C6orf132: variants seen among roughly 807,000 people sequenced by gnomAD.
C6orf132 encodes chromosome 6 open reading frame 132.
A neutral mutation model predicts 65.3 loss-of-function variants in C6orf132; 43 were observed. That is an observed-to-expected ratio of 0.66 (90% CI 0.52 to 0.85). The LOEUF (loss-of-function observed/expected upper bound fraction) is 0.85, where lower values mean the gene tolerates loss of function less well. Ranked by LOEUF, C6orf132 falls within the 40% of genes least tolerant of loss-of-function variation. C6orf132 has a pLI of 0.00. For synonymous variants in C6orf132, 631 were observed against 654.1 expected, an observed-to-expected ratio of 0.96 and a Z score of 0.54; for missense variants, 1,488 against 1,548.8, an observed-to-expected ratio of 0.96 and a Z score of 0.66.
intron 1 of C6orf132, among the ~76,000 whole-genome samples, chr6:42,137,581 A>G (rs1436416057): frequency 2.0e-5 from 3 of 152,102 alleles, no homozygotes; most frequent in Non-Finnish European, 4.4e-5. Flanking sequence ...GGTCCTCCTG[A>G]TAAGGAGCTG....
intron 2 of C6orf132, among the ~76,000 whole-genome samples, chr6:42,111,278 AT>A (rs61241413): frequency 0.1 from 12,295 of 119,812 alleles, 490 homozygotes; most frequent in Middle Eastern, 0.18. Flanking sequence ...TTCCTGGCTA[AT>A]TTTTTTTTTT....
chr6:42,139,444 T>C (rs566594022), intron 1 of C6orf132, among the ~76,000 whole-genome samples: 3 of 152,296 alleles, frequency 2.0e-5, no homozygotes, highest in Admixed American at 6.5e-5. Context: ...AGATAGTAAA[T>C]ATGTTAGCCT....
chr6:42,138,850 A>AACACCACACACAC (rs1554183405), intron 1 of C6orf132, among the ~76,000 whole-genome samples: 1 of 142,748 alleles, frequency 7.0e-6, no homozygotes, highest in Non-Finnish European at 1.5e-5. Flanking sequence ...CATGCATTTA[A>AACACCACACACAC]ACACACACAC....
intron 2 of C6orf132, among the ~76,000 whole-genome samples, chr6:42,122,260 C>CTT (rs1766700702): frequency 6.6e-6 from 1 of 152,010 alleles, no homozygotes; most frequent in Admixed American, 6.6e-5. Context: ...CAGGTCTGCT[C>CTT]TCTCTCTGGG....
chr6:42,133,000 C>A (rs1031324475), intron 1 of C6orf132, among the ~76,000 whole-genome samples: 50 of 152,324 alleles, frequency 3.3e-4, no homozygotes, highest in African/African-American at 1.2e-3. Flanking sequence ...CTATCTCCAT[C>A]AGCTAGATCC....
At position 42,138,645 on chromosome 6, in the gene C6orf132, G is replaced by A. The variant is rs192869613; in HGVS notation, c.145+3655C>T. ...TGTGAGCTGTCCCATTTAGAGGAAC[G>A]GGGTAGGAAAGAGAGTCCTCTAGCA... On this transcript the variant is annotated intron_variant, in intron 1 of 4. Coordinates refer to ENST00000341865, the MANE Select transcript of C6orf132 (RefSeq NM_001164446.3). Among the ~76,000 whole-genome samples the A allele has an allele frequency of 7.2e-5, 11 of 152,262 alleles. No homozygotes were observed. The East Asian group carries it at 1.4e-3, about 19-fold the overall frequency.
In C6orf132 at chr6:42,114,780, G is replaced by A. The variant is rs552798568; in HGVS notation, c.253-4489C>T. 8.4e-3 allele frequency among the ~76,000 whole-genome samples: 1,280 copies of A among 151,848 alleles called. 7 individuals carry two copies. The highest frequency in any genetic ancestry group is 0.024 in the Middle Eastern group (7 of 290). ...AGCACTTTGGGAGGCTGAGACAGGC[G>A]GATCACTGGAGGTCAGGAGTTTGAG... is the stretch of plus-strand genomic sequence containing the variant. On this transcript the variant is annotated intron_variant, in intron 2 of 4. Transcript: ENST00000341865.
Position 42,106,171 on chromosome 6 carries a change from CCTT to C in C6orf132, c.1738_1740del (p.Lys580del), listed in dbSNP as rs1766401342. 1.3e-6 allele frequency: 2 copies of C among 1,537,256 alleles called. No individual in the cohort carries two copies. The highest frequency in any genetic ancestry group is 1.7e-6 in the Non-Finnish European group (2 of 1,146,912). On this transcript the variant is annotated inframe_deletion, in exon 4 of 5. Coordinates refer to ENST00000341865, the MANE Select transcript of C6orf132 (RefSeq NM_001164446.3). Reference sequence around the variant, plus strand: ...AGAGATCCTATGCTGGGCTTAGCCTCCTTCTCTGCTGCTGAGGAGAGCCGGGCC... The same window carrying C: ...AGAGATCCTATGCTGGGCTTAGCCTCCTCTGCTGCTGAGGAGAGCCGGGCC...
chr6:42,104,381 TG>T lies in C6orf132; in HGVS notation c.3449+81del. On this transcript the variant is annotated intron_variant, in intron 4 of 4. Coordinates refer to ENST00000341865, the MANE Select transcript of C6orf132 (RefSeq NM_001164446.3). The surrounding 1 kb of genome is among the most constrained non-coding windows in gnomAD (Gnocchi z 4.1). ...AGGGAGAAAACCAAATGTTTTCTCT[TG>T]ACGGATGGCCGGGACTCCTTGGCCC... The T allele has an allele frequency of 8.2e-7, 1 of 1,225,506 alleles. No individual in the cohort carries two copies. The highest frequency in any genetic ancestry group is 1.0e-6 in the Non-Finnish European group (1 of 984,326). The allele number at this position is 1,225,506 out of a possible 1,614,324, so 75.9% of individuals were successfully genotyped here. A position where few individuals can be genotyped will look rare whatever the true frequency, so the allele number is the denominator to read the frequency against.
At chr6:42,133,644 A>T (rs1023946454) in intron 1 of C6orf132, among the ~76,000 whole-genome samples, 1 of 152,178 alleles carries the variant, frequency 6.6e-6, no homozygotes, top group Non-Finnish European at 1.5e-5. Context: ...ACAAACTCAC[A>T]TGCAAATAAT....
At chr6:42,132,299 A>G (rs1402951859) in intron 1 of C6orf132, among the ~76,000 whole-genome samples, 2 of 151,620 alleles carry the variant, frequency 1.3e-5, no homozygotes, top group African/African-American at 4.8e-5. Context: ...GCGGATCACA[A>G]GGTCAGGAGA....
At chr6:42,107,688 A>ATCCAGTCATT in intron 3 of C6orf132, 105 bp from the exon 4 acceptor site, 1 of 1,356,976 alleles carries the variant, frequency 7.4e-7, no homozygotes, top group Non-Finnish European at 1.0e-6. Context: ...CAAGAGAATG[A>ATCCAGTCATT]CTGGATCATT....
In C6orf132 at chr6:42,105,354, C is replaced by G. The variant is rs1349108143; in HGVS notation, c.2558G>C (p.Arg853Thr). Residue 853 changes from arginine to threonine, a missense_variant, in exon 4 of 5, where the codon AGG (arginine) becomes ACG (threonine). Coordinates refer to ENST00000341865, the MANE Select transcript of C6orf132 (RefSeq NM_001164446.3). Reference protein sequence around the residue: ...LAARQRAQKGRSVGAALGRSS... With the variant: ...LAARQRAQKGTSVGAALGRSS... Reference sequence around the variant, plus strand: ...CCGACCCAGGGCAGCCCCTACAGACCTTCCCTTCTGAGCCCTCTGCCTGGC... The same window carrying G: ...CCGACCCAGGGCAGCCCCTACAGACGTTCCCTTCTGAGCCCTCTGCCTGGC... 6.5e-7 allele frequency: 1 copy of G among 1,536,768 alleles called. No homozygotes were observed. Among genetic ancestry groups the G allele is most frequent in the Non-Finnish European group, 8.7e-7 (1 of 1,146,884 alleles).
rs1562038795 is a variant in C6orf132, at chr6:42,123,592, G to GAAGAAAGAAGAAGAAGA, written c.252+5079_252+5080insTCTTCTTCTTCTTTCTT. On this transcript the variant is annotated intron_variant, in intron 2 of 4. Transcript: ENST00000341865. ...AAGAAGAAGAAAGAAGAAAGAAGAA[G>GAAGAAAGAAGAAGAAGA]AAGAAAGAAGGAAGAAGAAGAAGAA... is the stretch of plus-strand genomic sequence containing the variant. Among the ~76,000 whole-genome samples the GAAGAAAGAAGAAGAAGA allele has an allele frequency of 4.2e-3, 635 of 151,462 alleles. 4 individuals carry two copies. The highest frequency in any genetic ancestry group is 0.015 in the African/African-American group (610 of 40,998).
Position 42,107,464 on chromosome 6 carries a change from G to C in C6orf132, c.448C>G (p.Pro150Ala), listed in dbSNP as rs1312092962. 1.3e-6 allele frequency: 2 copies of C among 1,538,488 alleles called. No homozygotes were observed. The highest frequency in any genetic ancestry group is 4.0e-5 in the Admixed American group (2 of 50,430). ...GGAGGTTCTGAAATGTCCTGAGGGGGCCCTGGGGCTGGGCCTGGGGGAGGT... is the reference window on the plus strand; with the variant it reads ...GGAGGTTCTGAAATGTCCTGAGGGGCCCCTGGGGCTGGGCCTGGGGGAGGT... ...PPPPPGPAPG[P>A]PQDISEPPGG... Residue 150 changes from proline (P) to alanine (A), a missense_variant, in exon 4 of 5, where the codon CCC becomes GCC. Pro to Ala is a conservative substitution (Grantham distance 27). Coordinates refer to ENST00000341865, the MANE Select transcript of C6orf132 (RefSeq NM_001164446.3).
chr6:42,108,970 A>G (rs1311940681), intron 3 of C6orf132, among the ~76,000 whole-genome samples: 1 of 152,232 alleles, frequency 6.6e-6, no homozygotes, highest in Non-Finnish European at 1.5e-5. Flanking sequence ...GCTGGGGTAC[A>G]GCAGCAAAAA....
At position 42,102,970 on chromosome 6, in the gene C6orf132, A is replaced by G. The variant is rs992852290; in HGVS notation, c.*791T>C. On this transcript the variant is annotated 3_prime_UTR_variant, in exon 5 of 5. Transcript: ENST00000341865. ...GCCCAGTCCCCAAAATCAGGGCTGC[A>G]CAGGTCTGAATAGCAAAGCCAGGCT... 1 of 398,048 alleles carries G rather than the reference A, an allele frequency of 2.5e-6. No individual in the cohort carries two copies. Among genetic ancestry groups the G allele is most frequent in the African/African-American group, 2.1e-5 (1 of 48,758 alleles). The allele number at this position is 398,048 out of a possible 1,614,324, so 24.7% of individuals were successfully genotyped here.
intron 2 of C6orf132, among the ~76,000 whole-genome samples, chr6:42,127,013 A>T (rs1410932881): frequency 6.6e-6 from 1 of 152,014 alleles, no homozygotes; most frequent in Admixed American, 6.6e-5. Flanking sequence ...GAAGTGCAGT[A>T]GTGCAATCAT....
chr6:42,107,596 G>T lies in C6orf132; in HGVS notation c.329-13C>A. On this transcript the variant is annotated splice_polypyrimidine_tract_variant and intron_variant, in intron 3 of 4. Coordinates refer to ENST00000341865, the MANE Select transcript of C6orf132 (RefSeq NM_001164446.3). ...AGTGAGCTGGTACCTGAAAGAAGGAGAGGCAAAGATGGGGGGCAGGAACAA... is the reference window on the plus strand; with the variant it reads ...AGTGAGCTGGTACCTGAAAGAAGGATAGGCAAAGATGGGGGGCAGGAACAA... 1 of 1,550,728 alleles carries T rather than the reference G, an allele frequency of 6.4e-7. No individual in the cohort carries two copies. The highest frequency in any genetic ancestry group is 8.7e-7 in the Non-Finnish European group (1 of 1,146,696).
Sources: gnomAD v4.1 joint callset for allele counts (sites outside exome capture counted in the v4.1 genomes callset) on GRCh38, gnomAD v4.1.1 for gene constraint, Gnocchi (gnomAD v3.1) non-coding constraint, MANE v1.5 for transcripts, NCBI Gene and HGNC (gene_info 2026-07-23, HGNC 2026-07-21) for gene names.